GNB1L: variants seen among roughly 807,000 people sequenced by gnomAD.
The protein encoded by GNB1L is G protein subunit beta 1 like, also known as guanine nucleotide-binding protein subunit beta-like protein 1.
A neutral mutation model predicts 29.1 loss-of-function variants in GNB1L; 20 were observed. The observed-to-expected ratio is 0.69, with a 90% CI of 0.48 to 1.00. GNB1L has a LOEUF of 1.00. Ranked by LOEUF, GNB1L falls within the 50% of genes least tolerant of loss-of-function variation. GNB1L has a pLI of 0.00. For missense variants in GNB1L, 421 were observed against 464.9 expected, an observed-to-expected ratio of 0.91 and a Z score of 0.87; for synonymous variants, 193 against 206.5, an observed-to-expected ratio of 0.93 and a Z score of 0.56.
chr22:19,790,745 G>A (rs776406849), intron 7 of GNB1L, among the ~76,000 whole-genome samples: 1 of 152,192 alleles, frequency 6.6e-6, no homozygotes, highest in Non-Finnish European at 1.5e-5. Flanking sequence ...GAGGTTGGAA[G>A]ATCATTTGAG....
chr22:19,819,218 C>T (rs1937558939), intron 4 of GNB1L, among the ~76,000 whole-genome samples: 1 of 152,254 alleles, frequency 6.6e-6, no homozygotes, highest in Non-Finnish European at 1.5e-5. Context: ...GCCAGGCCCT[C>T]TTATTCCTCC....
chr22:19,851,881 G>T, intron 2 of GNB1L: 1 of 1,614,050 alleles, frequency 6.2e-7, no homozygotes, highest in Non-Finnish European at 8.5e-7. Context: ...GCTCAAAGTG[G>T]AAGGACATGT....
chr22:19,812,820 G>A (rs1274721437), intron 4 of GNB1L, among the ~76,000 whole-genome samples: 1 of 152,242 alleles, frequency 6.6e-6, no homozygotes, highest in Non-Finnish European at 1.5e-5. Flanking sequence ...ACTGCAGACT[G>A]TGACAAGGGG....
At position 19,850,571 on chromosome 22, in the gene GNB1L, T is replaced by C. The variant is rs143553888; in HGVS notation, c.-21+3872A>G. 3 of 1,146,260 alleles carry C rather than the reference T, an allele frequency of 2.6e-6. No homozygotes were observed. The African/African-American group carries it at 4.8e-5, about 18-fold the overall frequency. The allele number at this position is 1,146,260 out of a possible 1,614,324, so 71.0% of individuals were successfully genotyped here. A position where few individuals can be genotyped will look rare whatever the true frequency, so the allele number is the denominator to read the frequency against. ...AAACCTTCCAGCTGCCCAGAACTGC[T>C]GGTAATCCCACAGGAAACATCATTC... On this transcript the variant is annotated intron_variant, in intron 2 of 7. Coordinates refer to ENST00000329517, the MANE Select transcript of GNB1L (RefSeq NM_053004.3).
chr22:19,841,996 G>A (rs1041311309), intron 2 of GNB1L, among the ~76,000 whole-genome samples: 3 of 152,236 alleles, frequency 2.0e-5, no homozygotes, highest in Non-Finnish European at 4.4e-5. Context: ...GCCTGAGGCA[G>A]GCACACAGGT....
At chr22:19,805,568 G>A (rs541899388) in intron 6 of GNB1L, among the ~76,000 whole-genome samples, 1 of 152,102 alleles carries the variant, frequency 6.6e-6, no homozygotes, top group African/African-American at 2.4e-5. Flanking sequence ...GGATCACGAG[G>A]TCAGGAGATG....
chr22:19,850,094 T>C, intron 2 of GNB1L: 1 of 985,054 alleles, frequency 1.0e-6, no homozygotes. Context: ...ACCCAGCTTC[T>C]TTGATCAGAC....
chr22:19,808,364 T>A (rs987688116), intron 5 of GNB1L, among the ~76,000 whole-genome samples: 1 of 152,046 alleles, frequency 6.6e-6, no homozygotes, highest in Admixed American at 6.5e-5. Context: ...AGCAACATAA[T>A]GAAGAGGGCA....
chr22:19,850,395 G>A, intron 2 of GNB1L: 2 of 989,446 alleles, frequency 2.0e-6, no homozygotes, highest in Middle Eastern at 5.1e-4. Flanking sequence ...GCATGCGAGT[G>A]CGGAGTGAGC....
intron 2 of GNB1L, chr22:19,847,004 G>C: frequency 1.0e-6 from 1 of 985,460 alleles, no homozygotes; most frequent in East Asian, 1.1e-4. Flanking sequence ...GTGGCTGCTT[G>C]TACTTCTCCA....
chr22:19,831,877 C>T (rs971319223), intron 2 of GNB1L, among the ~76,000 whole-genome samples: 2 of 151,782 alleles, frequency 1.3e-5, no homozygotes, highest in African/African-American at 2.4e-5. Flanking sequence ...TGAAAATGCC[C>T]ATTAAACACA....
chr22:19,834,149 C>A (rs1426214939), intron 2 of GNB1L, among the ~76,000 whole-genome samples: 2 of 151,970 alleles, frequency 1.3e-5, no homozygotes, highest in Admixed American at 1.3e-4. Flanking sequence ...TGTTTAAGAA[C>A]ATGATGAACC....
intron 2 of GNB1L, chr22:19,850,130 G>A (rs1938059597): frequency 4.1e-6 from 4 of 985,282 alleles, no homozygotes; most frequent in Non-Finnish European, 4.8e-6. Context: ...GCCCCTGCCA[G>A]AAACCACAGC....
intron 2 of GNB1L, chr22:19,849,051 G>C (rs568843963): frequency 2.0e-6 from 2 of 985,366 alleles, no homozygotes; most frequent in South Asian, 9.4e-5. Context: ...TGAGTCATCG[G>C]ACGGAGGGCA....
intron 2 of GNB1L, among the ~76,000 whole-genome samples, chr22:19,835,418 G>A (rs770289162): frequency 9.3e-5 from 14 of 149,772 alleles, no homozygotes; most frequent in South Asian, 2.1e-4. Context: ...AAAACCTCAC[G>A]CCTGTAATCC....
Position 19,788,406 on chromosome 22 carries a change from G to A in GNB1L, c.*303C>T, listed in dbSNP as rs943606345. The A allele has an allele frequency of 3.4e-6, 2 of 591,508 alleles. No homozygotes were observed. The highest frequency in any genetic ancestry group is 6.0e-6 in the Non-Finnish European group (2 of 331,626). 36.6% of individuals were successfully genotyped at this position (591,508 alleles called of 1,614,324 possible). ...CCTCCTCAGGGAGCTCCCACCTCAAGCCTGCAACTTGGCAATGGAAATTTA... is the reference window on the plus strand; with the variant it reads ...CCTCCTCAGGGAGCTCCCACCTCAAACCTGCAACTTGGCAATGGAAATTTA... On this transcript the variant is annotated 3_prime_UTR_variant, in exon 8 of 8. Transcript: ENST00000329517.
intron 2 of GNB1L, among the ~76,000 whole-genome samples, chr22:19,835,280 C>T (rs1261730833): frequency 1.3e-5 from 2 of 151,718 alleles, no homozygotes; most frequent in African/African-American, 2.4e-5. Context: ...TAGAACATGC[C>T]GCTCAGTAGA....
chr22:19,847,090 T>C, intron 2 of GNB1L: 1 of 985,418 alleles, frequency 1.0e-6, no homozygotes, highest in African/African-American at 1.7e-5. Context: ...GTGGCTTCCT[T>C]TGGCCACAGA....
chr22:19,831,516 C>T (rs1937680115), intron 2 of GNB1L, among the ~76,000 whole-genome samples: 1 of 151,100 alleles, frequency 6.6e-6, no homozygotes, highest in Non-Finnish European at 1.5e-5. Context: ...ACGGTGAAAC[C>T]CCATCTCTAC....
Sources: gnomAD v4.1 joint callset for allele counts (sites outside exome capture counted in the v4.1 genomes callset) on GRCh38, gnomAD v4.1.1 for gene constraint, MANE v1.5 for transcripts, NCBI Gene and HGNC (gene_info 2026-07-23, HGNC 2026-07-21) for gene names.